Variants in GEN1 observed in about 807,000 individuals in gnomAD.
GEN1 encodes flap endonuclease GEN homolog 1.
GEN1 carries 64 observed loss-of-function variants against 67.6 expected under a neutral mutation model. The observed-to-expected ratio is 0.95, with a 90% confidence interval of 0.77 to 1.17. The LOEUF (loss-of-function observed/expected upper bound fraction) is 1.17, where lower values mean the gene tolerates loss of function less well. Ranked by LOEUF, GEN1 falls within the 50% of genes most tolerant of loss-of-function variation. The pLI is 0.00. For missense variants in GEN1, 1,058 were observed against 1,048.3 expected (o/e 1.01, Z -0.13); for synonymous variants, 371 against 359.4 (o/e 1.03, Z -0.37).
At chr2:17,776,060 G>A (rs1308323528) in intron 11 of GEN1, among the ~76,000 whole-genome samples, 1 of 145,254 alleles carries the variant, frequency 6.9e-6, no homozygotes, top group Non-Finnish European at 1.5e-5. Flanking sequence ...AGGTTGCAGT[G>A]AGCTGAGTTC....
chr2:17,763,524 C>T (rs1411098859), intron 3 of GEN1, among the ~76,000 whole-genome samples: 1 of 152,216 alleles, frequency 6.6e-6, no homozygotes, highest in Non-Finnish European at 1.5e-5. Flanking sequence ...CTAGGCCCTG[C>T]TTCCTCCTAA....
rs750970206 is a variant in GEN1, at chr2:17,781,312, A to T, written c.2100A>T (p.Ile700=). ...ATGTCAACCTGAAAACTTTGTCCAT[A>T]CTTAGTGTAAAAGAATCTTGTATTG... ...QPDVNLKTLS[I]LSVKESCIAN... The change falls in exon 14 of 14, where the codon ATA becomes ATT. Residue 700 remains isoleucine (I), a synonymous_variant. Transcript: ENST00000381254. 46 of 1,613,754 alleles carry T rather than the reference A, an allele frequency of 2.9e-5. No homozygotes were observed. The highest frequency in any genetic ancestry group is 3.9e-5 in the Non-Finnish European group (46 of 1,179,716).
chr2:17,754,788 ACAAT>A (rs1388799075), intron 1 of GEN1: 1 of 152,222 alleles, frequency 6.6e-6, no homozygotes, highest in African/African-American at 2.4e-5. Context: ...GTAGTTATTT[ACAAT>A]CAGTCTTTCC....
chr2:17,780,238 C>G, intron 13 of GEN1, 117 bp downstream of exon 13: 1 of 793,174 alleles, frequency 1.3e-6, no homozygotes. Context: ...ACTCAAAAGT[C>G]AAGAATTGTA....
chr2:17,759,472 T>C (rs772699612), intron 1 of GEN1, among the ~76,000 whole-genome samples: 2 of 152,238 alleles, frequency 1.3e-5, no homozygotes, highest in Non-Finnish European at 2.9e-5. Flanking sequence ...TTAAGAAAGT[T>C]ATGTCCATCA....
In GEN1 at chr2:17,757,047, C is replaced by T. The variant is rs186974716; in HGVS notation, c.-16+2702C>T. On this transcript the variant is annotated intron_variant, in intron 1 of 13. Coordinates refer to ENST00000381254, the MANE Select transcript of GEN1 (RefSeq NM_001130009.3). ...ATGATGTTCTTTCTAATAAAATGTA[C>T]ATTTCACATAATTTTCCTCTTTCAG... Among the ~76,000 whole-genome samples the T allele has an allele frequency of 3.1e-3, 476 of 152,278 alleles. 4 individuals are homozygous for T. The highest frequency in any genetic ancestry group is 0.011 in the African/African-American group (452 of 41,556).
In GEN1 at chr2:17,781,770, G is replaced by A; in HGVS notation, c.2558G>A (p.Cys853Tyr). Residue 853 changes from cysteine to tyrosine, a missense_variant, in exon 14 of 14, where the codon TGT becomes TAT. Coordinates refer to ENST00000381254, the MANE Select transcript of GEN1 (RefSeq NM_001130009.3). The stretch of plus-strand genomic sequence containing the variant: ...ATACATATTAAAGAAACTGAACAGT[G>A]TGTCAGATCTTATGAAACAGCTGAA... ...PKIHIKETEQCVRSYETAENE... is the reference protein window; with the variant it reads ...PKIHIKETEQYVRSYETAENE... 6.2e-7 allele frequency: 1 copy of A among 1,612,572 alleles called. No individual in the cohort carries two copies. Among genetic ancestry groups the A allele is most frequent in the South Asian group, 1.1e-5 (1 of 90,638 alleles).
chr2:17,777,925 A>C (rs1182879238), intron 11 of GEN1, 77 bp from the exon 12 acceptor site: 1 of 785,258 alleles, frequency 1.3e-6, no homozygotes, highest in Non-Finnish European at 2.2e-6. Context: ...AAATCTATGG[A>C]AATTATTCAG....
At position 17,780,115 on chromosome 2, in the gene GEN1, C is replaced by T. The variant is rs764984000; in HGVS notation, c.1402C>T (p.Gln468Ter). ...AAAGTTAGAAATTAAAGGGAAGAAA[C>T]AAAAACGTAAGTTTTGGGTTTGATA... ...KQKLEIKGKK[Q>*]KRIKPKENNL... The change falls in exon 13 of 14, where the codon CAA (glutamine) becomes TAA (stop). Residue 468 changes from glutamine to a stop codon, truncating the protein, a stop_gained. Transcript: ENST00000381254. LOFTEE classifies it low-confidence loss of function (END_TRUNC). 19 of 1,610,844 alleles carry T rather than the reference C, an allele frequency of 1.2e-5. No individual in the cohort carries two copies. Among genetic ancestry groups the T allele is most frequent in the African/African-American group, 2.7e-5 (2 of 74,800 alleles).
intron 6 of GEN1, among the ~76,000 whole-genome samples, chr2:17,770,282 A>G (rs1672121805): frequency 6.6e-6 from 1 of 152,144 alleles, no homozygotes; most frequent in South Asian, 2.1e-4. Context: ...ATTCTGTTTT[A>G]TATACTGACT....
intron 5 of GEN1, among the ~76,000 whole-genome samples, chr2:17,767,545 G>A (rs529263806): frequency 6.6e-6 from 1 of 152,212 alleles, no homozygotes; most frequent in African/African-American, 2.4e-5. Context: ...AAGAAAGCAG[G>A]AGGAAAGAAA....
chr2:17,771,116 G>T, intron 6 of GEN1, 80 bp from the exon 7 acceptor site: 1 of 831,512 alleles, frequency 1.2e-6, no homozygotes, highest in Non-Finnish European at 2.1e-6. Flanking sequence ...AAAGGGAATA[G>T]ATCAGCCTGA....
rs1448416690 is a variant in GEN1, at chr2:17,788,147, A to G, written c.*6208A>G. 6.6e-6 allele frequency: 1 copy of G among 152,240 alleles called. No individual in the cohort carries two copies. Among genetic ancestry groups the G allele is most frequent in the African/African-American group, 2.4e-5 (1 of 41,458 alleles). 9.4% of individuals were successfully genotyped at this position (152,240 alleles called of 1,614,324 possible). The stretch of plus-strand genomic sequence containing the variant: ...CAACTGCTGTTCCTGTTCTGCTGGT[A>G]GCACTTAGGGTAAAACAGCTTAAAT... On this transcript the variant is annotated 3_prime_UTR_variant, in exon 14 of 14. Coordinates refer to ENST00000381254, the MANE Select transcript of GEN1 (RefSeq NM_001130009.3).
intron 4 of GEN1, 133 bp from the exon 5 acceptor site, chr2:17,766,446 A>T: frequency 1.8e-6 from 1 of 564,652 alleles, no homozygotes. Context: ...CTGGGATTAC[A>T]GGCATGAGCC....
chr2:17,780,052 G>A lies in GEN1; in HGVS notation c.1339G>A (p.Ala447Thr). Residue 447 changes from alanine (A) to threonine (T), a missense_variant, in exon 13 of 14, where the codon GCA becomes ACA. Coordinates refer to ENST00000381254, the MANE Select transcript of GEN1 (RefSeq NM_001130009.3). Reference protein sequence around the residue: ...LTIEEESLFEAAYPEIVAVYQ... With the variant: ...LTIEEESLFETAYPEIVAVYQ... ...AATTGAGGAAGAATCATTGTTTGAA[G>A]CAGCATATCCTGAGATCGTTGCTGT... The A allele has an allele frequency of 6.2e-7, 1 of 1,608,898 alleles. No individual in the cohort carries two copies.
At chr2:17,778,336 G>GTA (rs200237376) in intron 12 of GEN1, among the ~76,000 whole-genome samples, 5,770 of 28,668 alleles carry the variant, frequency 0.2, 2,103 homozygotes, top group African/African-American at 0.42. Context: ...GTACATATAT[G>GTA]TATACACACA....
intron 2 of GEN1, 63 bp from the exon 3 acceptor site, chr2:17,761,333 T>C (rs999306097): frequency 1.3e-5 from 11 of 860,046 alleles, no homozygotes; most frequent in Non-Finnish European, 1.8e-5. Context: ...CTTTGTGTTA[T>C]ACTATTTTGA....
In GEN1 at chr2:17,784,777, A is replaced by G. The variant is rs1558417926; in HGVS notation, c.*2838A>G. ...GTCGTGGCTGTGATAGTTCAGGACCATCTAGACCAGGTAAATAAAATATCT... is the reference window on the plus strand; with the variant it reads ...GTCGTGGCTGTGATAGTTCAGGACCGTCTAGACCAGGTAAATAAAATATCT... On this transcript the variant is annotated 3_prime_UTR_variant, in exon 14 of 14. Transcript: ENST00000381254. 2 of 152,234 alleles carry G rather than the reference A, an allele frequency of 1.3e-5. No individual in the cohort carries two copies. Among genetic ancestry groups the G allele is most frequent in the Non-Finnish European group, 2.9e-5 (2 of 68,044 alleles). The allele number at this position is 152,234 out of a possible 1,614,324, so 9.4% of individuals were successfully genotyped here.
intron 6 of GEN1, among the ~76,000 whole-genome samples, chr2:17,769,721 T>G (rs1406605966): frequency 6.6e-6 from 1 of 152,156 alleles, no homozygotes; most frequent in Non-Finnish European, 1.5e-5. Flanking sequence ...AGATGCAGAT[T>G]ATATAGAAGT....
Sources: allele counts gnomAD v4.1 joint callset (sites outside exome capture counted in the v4.1 genomes callset), GRCh38; gene constraint gnomAD v4.1.1; transcripts MANE v1.5; gene names NCBI Gene and HGNC (gene_info 2026-07-23, HGNC 2026-07-21).